Variants in LMNTD1 observed in about 807,000 individuals in gnomAD.
LMNTD1 encodes the protein lamin tail domain containing 1.
In LMNTD1, 35 loss-of-function variants were observed where a neutral mutation model predicts 50.9. The ratio of observed to expected loss-of-function variants is 0.69; its 90% CI spans 0.53 to 0.91. LMNTD1 has a LOEUF of 0.91. Ranked by LOEUF, LMNTD1 falls within the 40% of genes least tolerant of loss-of-function variation. The pLI is 0.00. For missense variants in LMNTD1, 470 were observed against 475.5 expected (o/e 0.99, Z 0.11); for synonymous variants, 153 against 161.9 (o/e 0.94, Z 0.42).
At chr12:25,544,138 T>C (rs1943277736) in intron 4 of LMNTD1, among the ~76,000 whole-genome samples, 1 of 151,860 alleles carries the variant, frequency 6.6e-6, no homozygotes, top group Non-Finnish European at 1.5e-5. Flanking sequence ...TTTTTGTGTC[T>C]GGTTCATCTG....
At chr12:25,513,079 G>A (rs115002945) in intron 8 of LMNTD1, among the ~76,000 whole-genome samples, 1 of 152,012 alleles carries the variant, frequency 6.6e-6, no homozygotes, top group Non-Finnish European at 1.5e-5. Flanking sequence ...ATTCCTAACC[G>A]CCTACATTGT....
intron 4 of LMNTD1, among the ~76,000 whole-genome samples, chr12:25,537,020 G>T (rs943562734): frequency 6.6e-6 from 1 of 152,176 alleles, no homozygotes; most frequent in Non-Finnish European, 1.5e-5. Context: ...CTTTTCTGAC[G>T]GGCTTAAAAA....
chr12:25,577,136 G>T (rs138038751), intron 1 of LMNTD1, among the ~76,000 whole-genome samples: 274 of 152,294 alleles, frequency 1.8e-3, no homozygotes, highest in East Asian at 0.016. Context: ...GATGCTGCCA[G>T]CTTTGTTCTT....
rs1295067199 is a variant in LMNTD1, at chr12:25,526,785, G to T, written c.662C>A (p.Ala221Glu). The T allele has an allele frequency of 2.5e-6, 4 of 1,607,654 alleles. No homozygotes were observed. Among genetic ancestry groups the T allele is most frequent in the Non-Finnish European group, 2.6e-6 (3 of 1,176,354 alleles). ...YRFLPNIVMQ[A>E]NSTVTVWAAA... ...TATACTCACTGTTACTGTGGAATTT[G>T]CCTGCATTACGATGTTTGGAAGGAA... The change falls in exon 5 of 10, where the codon GCA (alanine) becomes GAA (glutamate). Residue 221 changes from alanine (A) to glutamate (E), a missense_variant. Physicochemically the swap from Ala to Glu is moderately radical, Grantham distance 107. Coordinates refer to ENST00000458174, the MANE Select transcript of LMNTD1 (RefSeq NM_001145728.2).
intron 4 of LMNTD1, among the ~76,000 whole-genome samples, chr12:25,530,382 C>A (rs1942137588): frequency 6.6e-6 from 1 of 152,104 alleles, no homozygotes; most frequent in African/African-American, 2.4e-5. Flanking sequence ...TATAAGAAAT[C>A]TTTCCCTGCT....
intron 1 of LMNTD1, among the ~76,000 whole-genome samples, chr12:25,607,442 A>G (rs1452549399): frequency 3.3e-5 from 5 of 152,042 alleles, no homozygotes; most frequent in African/African-American, 9.7e-5. Context: ...TCAATTTTAG[A>G]TCTTTCCTGC....
At chr12:25,638,019 T>G (rs1271057479) in intron 1 of LMNTD1, among the ~76,000 whole-genome samples, 1 of 152,036 alleles carries the variant, frequency 6.6e-6, no homozygotes, top group African/African-American at 2.4e-5. Flanking sequence ...ATCCCAGGAA[T>G]GCAGGATTGG....
chr12:25,640,700 G>A (rs1038731925), intron 1 of LMNTD1, among the ~76,000 whole-genome samples: 8 of 151,220 alleles, frequency 5.3e-5, no homozygotes, highest in African/African-American at 1.7e-4. Flanking sequence ...TCGCTCTGTC[G>A]CCCAGGCCCT....
intron 2 of LMNTD1, among the ~76,000 whole-genome samples, 177 bp from the exon 3 acceptor site, chr12:25,549,723 T>A (rs992489996): frequency 1.3e-5 from 2 of 152,168 alleles, no homozygotes; most frequent in Non-Finnish European, 2.9e-5. Context: ...TAAAACACTT[T>A]ATTATCAATA....
intron 1 of LMNTD1, among the ~76,000 whole-genome samples, chr12:25,620,914 C>T (rs185114319): frequency 6.6e-6 from 1 of 152,248 alleles, no homozygotes; most frequent in Non-Finnish European, 1.5e-5. Flanking sequence ...GGTGTGTTAC[C>T]CCAACTTTAC....
intron 9 of LMNTD1, among the ~76,000 whole-genome samples, chr12:25,492,637 A>G (rs1938925249): frequency 6.6e-6 from 1 of 152,216 alleles, no homozygotes; most frequent in Admixed American, 6.6e-5. Context: ...TGAGCTAGAA[A>G]TGCTATGATC....
intron 1 of LMNTD1, among the ~76,000 whole-genome samples, chr12:25,637,178 A>G (rs1382644273): frequency 6.6e-6 from 1 of 152,176 alleles, no homozygotes; most frequent in Non-Finnish European, 1.5e-5. Flanking sequence ...CATTTACAAT[A>G]TTAGAATTAT....
chr12:25,501,175 A>C (rs1939367007), intron 9 of LMNTD1, among the ~76,000 whole-genome samples: 2 of 152,018 alleles, frequency 1.3e-5, no homozygotes, highest in Admixed American at 1.3e-4. Flanking sequence ...TTTTTAGTAG[A>C]GATGGGGTTT....
chr12:25,631,759 A>G (rs1452407148), intron 1 of LMNTD1, among the ~76,000 whole-genome samples: 3 of 152,116 alleles, frequency 2.0e-5, no homozygotes, highest in African/African-American at 7.2e-5. Context: ...CCCCCCAAAA[A>G]TCACACTAGT....
At chr12:25,543,119 A>G (rs560221632) in intron 4 of LMNTD1, among the ~76,000 whole-genome samples, 6 of 152,212 alleles carry the variant, frequency 3.9e-5, no homozygotes, top group Non-Finnish European at 8.8e-5. Flanking sequence ...TTTAAAAACA[A>G]TTTATAGTTT....
intron 1 of LMNTD1, among the ~76,000 whole-genome samples, chr12:25,613,803 C>CTT (rs1946296388): frequency 6.6e-6 from 1 of 151,950 alleles, no homozygotes; most frequent in African/African-American, 2.4e-5. Flanking sequence ...AATACTTTCA[C>CTT]TTTTTTCACA....
chr12:25,616,957 T>C (rs1946364921), intron 1 of LMNTD1, among the ~76,000 whole-genome samples: 2 of 152,160 alleles, frequency 1.3e-5, no homozygotes, highest in African/African-American at 4.8e-5. Flanking sequence ...AACTCAGAAC[T>C]GTACACTAAA....
At chr12:25,536,958 G>T (rs1349886094) in intron 4 of LMNTD1, among the ~76,000 whole-genome samples, 1 of 152,246 alleles carries the variant, frequency 6.6e-6, no homozygotes, top group Admixed American at 6.5e-5. Context: ...ATCAAAGAAA[G>T]GGGTGACAGA....
At chr12:25,608,732 C>A (rs1008875583) in intron 1 of LMNTD1, among the ~76,000 whole-genome samples, 3 of 151,836 alleles carry the variant, frequency 2.0e-5, no homozygotes, top group Admixed American at 6.6e-5. Flanking sequence ...GAAACCCGAC[C>A]TTTCTCTGGC....
Sources: allele counts gnomAD v4.1 joint callset (sites outside exome capture counted in the v4.1 genomes callset), GRCh38; gene constraint gnomAD v4.1.1; transcripts MANE v1.5; gene names NCBI Gene and HGNC (gene_info 2026-07-23, HGNC 2026-07-21).